Variants in ROBO2 observed in about 807,000 individuals in gnomAD.
The protein encoded by ROBO2 is roundabout homolog 2.
In ROBO2, 53 loss-of-function variants were observed where a neutral mutation model predicts 160.8. The ratio of observed to expected loss-of-function variants is 0.33; its 90% CI spans 0.26 to 0.41. ROBO2 has a LOEUF of 0.41. Ranked by LOEUF, ROBO2 falls within the 10% of genes least tolerant of loss-of-function variation. The pLI, the probability that ROBO2 is intolerant of heterozygous loss-of-function variation, is 1.00. For missense variants in ROBO2, 1,577 were observed against 1,722.4 expected, an observed-to-expected ratio of 0.92 and a Z score of 1.49; for synonymous variants, 664 against 611.7, an observed-to-expected ratio of 1.09 and a Z score of -1.26.
chr3:77,135,744 T>C (rs937082907), intron 2 of ROBO2, among the ~76,000 whole-genome samples: 1 of 152,140 alleles, frequency 6.6e-6, no homozygotes, highest in African/African-American at 2.4e-5. Flanking sequence ...GACTGTAGAA[T>C]GTTTCTGCCC....
At chr3:76,493,337 T>TTATATTTATATATATATATATATA (rs2079941440) in intron 2 of ROBO2, among the ~76,000 whole-genome samples, 1 of 104,830 alleles carries the variant, frequency 9.5e-6, no homozygotes, top group Non-Finnish European at 2.0e-5. Context: ...AGACAAAAAA[T>TTATATTTATATATATATATATATA]TATATATATA....
intron 2 of ROBO2, among the ~76,000 whole-genome samples, chr3:77,198,273 C>A (rs112112625): frequency 1.0e-3 from 152 of 152,018 alleles, no homozygotes; most frequent in African/African-American, 3.5e-3. Context: ...AGCAGGAAGG[C>A]CTGGTCAGGG....
At chr3:76,052,154 C>G (rs1473014550) in intron 2 of ROBO2, among the ~76,000 whole-genome samples, 1 of 151,970 alleles carries the variant, frequency 6.6e-6, no homozygotes, top group African/African-American at 2.4e-5. Flanking sequence ...AGAACTACAG[C>G]AGTAAGAAAA....
At chr3:77,456,114 T>C (rs1361330547) in intron 2 of ROBO2, among the ~76,000 whole-genome samples, 4 of 152,334 alleles carry the variant, frequency 2.6e-5, no homozygotes, top group Middle Eastern at 3.4e-3. Context: ...TATGAAAATA[T>C]GCCATAATAT....
intron 2 of ROBO2, among the ~76,000 whole-genome samples, chr3:76,769,455 C>A (rs1250991580): frequency 6.6e-6 from 1 of 151,208 alleles, no homozygotes; most frequent in Non-Finnish European, 1.5e-5. Context: ...CAACTCAGGG[C>A]TCTATCAGTG....
At chr3:76,671,968 G>A (rs2092277729) in intron 2 of ROBO2, among the ~76,000 whole-genome samples, 1 of 151,902 alleles carries the variant, frequency 6.6e-6, no homozygotes, top group Non-Finnish European at 1.5e-5. Flanking sequence ...GAAAACAAGT[G>A]AATAAACTAT....
chr3:77,646,664 A>G (rs2095414553), exon 26 of ROBO2: 1 of 152,472 alleles, frequency 6.6e-6, no homozygotes, highest in Non-Finnish European at 1.5e-5. Context: ...CAAAGGAACA[A>G]TGGTGTTGGC....
intron 2 of ROBO2, among the ~76,000 whole-genome samples, chr3:76,023,528 A>T (rs975564808): frequency 6.6e-6 from 1 of 151,632 alleles, no homozygotes; most frequent in African/African-American, 2.4e-5. Flanking sequence ...AAGAACAGTT[A>T]GTTGCTAAAG....
chr3:76,969,756 A>G (rs2059482335), intron 2 of ROBO2, among the ~76,000 whole-genome samples: 1 of 152,080 alleles, frequency 6.6e-6, no homozygotes, highest in Non-Finnish European at 1.5e-5. Context: ...TATAACAAAG[A>G]GGACGATTTT....
chr3:77,190,180 G>A (rs114333110), intron 2 of ROBO2, among the ~76,000 whole-genome samples: 90 of 151,998 alleles, frequency 5.9e-4, no homozygotes, highest in South Asian at 4.1e-3. Flanking sequence ...TTTCTGCAAA[G>A]ATCCTATCTA....
At chr3:77,171,425 T>C (rs2079622060) in intron 2 of ROBO2, among the ~76,000 whole-genome samples, 1 of 152,252 alleles carries the variant, frequency 6.6e-6, no homozygotes, top group Admixed American at 6.5e-5. Context: ...GTTGGCATTC[T>C]TTCTACTTGA....
intron 2 of ROBO2, among the ~76,000 whole-genome samples, chr3:76,716,096 T>TA (rs869118172): frequency 8.7e-5 from 4 of 46,178 alleles, no homozygotes; most frequent in Non-Finnish European, 2.6e-4. Context: ...AAGTTATGAA[T>TA]TTTTTGGTAT....
At chr3:75,931,446 G>C (rs1947530381) in intron 1 of ROBO2, among the ~76,000 whole-genome samples, 1 of 151,980 alleles carries the variant, frequency 6.6e-6, no homozygotes, top group African/African-American at 2.4e-5. Context: ...CTGCCTCCTG[G>C]GTCCAAGCAG....
intron 2 of ROBO2, among the ~76,000 whole-genome samples, chr3:77,288,559 C>G (rs1185050693): frequency 3.3e-5 from 5 of 152,026 alleles, no homozygotes; most frequent in Admixed American, 3.3e-4. Context: ...TGCTGTTTTC[C>G]CTGTTTGACC....
At chr3:76,834,191 T>TTCTTTCTTTCTTTCTTC (rs2067452790) in intron 2 of ROBO2, among the ~76,000 whole-genome samples, 1 of 137,540 alleles carries the variant, frequency 7.3e-6, no homozygotes, top group Non-Finnish European at 1.5e-5. Flanking sequence ...CTCTCTCTCT[T>TTCTTTCTTTCTTTCTTC]TCTTTCTTTC....
At chr3:76,035,123 A>G (rs908539536) in intron 2 of ROBO2, among the ~76,000 whole-genome samples, 9 of 151,568 alleles carry the variant, frequency 5.9e-5, no homozygotes, top group South Asian at 2.1e-4. Context: ...CTTTGAAGCT[A>G]TAGTATACTC....
intron 2 of ROBO2, among the ~76,000 whole-genome samples, chr3:76,292,653 C>G (rs1412964799): frequency 6.6e-6 from 1 of 152,006 alleles, no homozygotes; most frequent in East Asian, 1.9e-4. Context: ...AGTAACTCAT[C>G]AATCACATTT....
chr3:76,668,800 C>T (rs1004721819), intron 2 of ROBO2, among the ~76,000 whole-genome samples: 1 of 150,506 alleles, frequency 6.6e-6, no homozygotes, highest in African/African-American at 2.4e-5. Context: ...AAGAATGAGA[C>T]TTGTTTGGTC....
rs80051448 is a variant in ROBO2 at position 77,563,191 on chromosome 3, A to T, written c.1544A>T (p.Asn515Ile). ...GAGTCTGGAGCAACAATCAGTAAAA[A>T]CTATGATTTAAGTGACCTGCCAGGG... Residue 515 changes from asparagine (N) to isoleucine (I), a missense_variant, in exon 11 of 26, where the codon AAC becomes ATC. Asn to Ile is a moderately radical substitution (Grantham distance 149). This residue lies in a region of ROBO2 where 940 missense variants were observed against 1,135.5 expected (regional missense o/e 0.83). Coordinates refer to ENST00000461745, the Ensembl canonical transcript of ROBO2. 1.2e-3 allele frequency: 1,880 copies of T among 1,613,400 alleles called. 19 individuals carry two copies. The African/African-American group carries it at 0.022, about 19-fold the overall frequency.
Sources: allele counts gnomAD v4.1 joint callset (sites outside exome capture counted in the v4.1 genomes callset), GRCh38; gene constraint gnomAD v4.1.1; regional missense constraint gnomAD v4.1.1; transcripts MANE v1.5; gene names NCBI Gene and HGNC (gene_info 2026-07-23, HGNC 2026-07-21).